The following ARHGEF4 variants were observed in gnomAD, a reference collection of about 807,000 sequenced individuals.
ARHGEF4 encodes APC-stimulated guanine nucleotide exchange factor 1.
In ARHGEF4, 119 loss-of-function variants were observed where a neutral mutation model predicts 162.0. That is an observed-to-expected ratio of 0.73 (90% confidence interval 0.63 to 0.86). The LOEUF is 0.86. ARHGEF4 is among the 40% of genes least tolerant of loss of function. The pLI, the probability that ARHGEF4 is intolerant of heterozygous loss-of-function variation, is 0.00. For missense variants in ARHGEF4, 2,488 were observed against 2,456.0 expected, an observed-to-expected ratio of 1.01 and a Z score of -0.28; for synonymous variants, 1,014 against 979.9, an observed-to-expected ratio of 1.03 and a Z score of -0.65.
At chr2:130,867,492 T>C (rs1160659342) in intron 1 of ARHGEF4, among the ~76,000 whole-genome samples, 1 of 152,082 alleles carries the variant, frequency 6.6e-6, no homozygotes, top group African/African-American at 2.4e-5. Context: ...CGCCTTAGCC[T>C]CCCAAAGTGC....
chr2:131,042,008 G>GC (rs1690854231), intron 10 of ARHGEF4, 64 bp downstream of exon 10: 1 of 1,558,912 alleles, frequency 6.4e-7, no homozygotes, highest in East Asian at 2.3e-5. Context: ...AATCATGCTT[G>GC]CCCCTGAAAA....
intron 1 of ARHGEF4, among the ~76,000 whole-genome samples, chr2:130,838,002 G>A (rs1351224406): frequency 1.3e-5 from 2 of 152,262 alleles, no homozygotes; most frequent in African/African-American, 4.8e-5. Context: ...ACCTGCAGGA[G>A]CCCTGCCCTC....
At chr2:130,908,291 A>T (rs868808053) in intron 1 of ARHGEF4, among the ~76,000 whole-genome samples, 5 of 152,210 alleles carry the variant, frequency 3.3e-5, no homozygotes, top group Non-Finnish European at 7.4e-5. Context: ...TGGTTTTTCT[A>T]CATTGATTTT....
intron 4 of ARHGEF4, among the ~76,000 whole-genome samples, chr2:130,977,480 T>C (rs1685822045): frequency 6.6e-6 from 1 of 151,806 alleles, no homozygotes; most frequent in Non-Finnish European, 1.5e-5. Context: ...TGTGTGTGCT[T>C]TGTGTGTATA....
At position 130,917,493 on chromosome 2, in the gene ARHGEF4, A is replaced by G. The variant is rs1278601676; in HGVS notation, c.3547A>G (p.Ser1183Gly). The change falls in exon 2 of 14, where the codon AGT (serine) becomes GGT (glycine). Residue 1183 changes from serine to glycine, a missense_variant. By Grantham distance (56) the Ser-to-Gly change is moderately conservative. Around this residue, in one of 6 missense-constraint regions of ARHGEF4, gnomAD observed 1,642 missense variants for 1,481.5 expected, o/e 1.11. Transcript: ENST00000409359. The part of the protein sequence containing the change: ...TVPWLRDLPG[S>G]ENHMPWEEPA... The stretch of plus-strand genomic sequence containing the variant: ...GCCCTGGCTCAGGGACCTTCCTGGG[A>G]GTGAGGTGAGTATCTGAATCGCACC... 1 of 1,548,286 alleles carries G rather than the reference A, an allele frequency of 6.5e-7. No individual in the cohort carries two copies. The highest frequency in any genetic ancestry group is 1.4e-5 in the African/African-American group (1 of 72,904).
chr2:130,887,726 T>C (rs924290761), intron 1 of ARHGEF4, among the ~76,000 whole-genome samples: 1 of 152,138 alleles, frequency 6.6e-6, no homozygotes, highest in Admixed American at 6.5e-5. Context: ...TAATCAGCAG[T>C]AGCTTTCCTC....
chr2:130,916,340 C>A lies in ARHGEF4; in HGVS notation c.2394C>A (p.Thr798=), dbSNP rs1181638246. ...PGKRPTFSKV[T]SFRKGRPLAT... is the part of the protein sequence containing the mutation. Reference sequence around the variant, plus strand: ...AGCGCCCGACGTTTTCCAAGGTGACCTCCTTCAGGAAGGGCAGGCCCTTGG... The same window carrying A: ...AGCGCCCGACGTTTTCCAAGGTGACATCCTTCAGGAAGGGCAGGCCCTTGG... Residue 798 remains threonine, a synonymous_variant, in exon 2 of 14, where the codon ACC becomes ACA. Transcript: ENST00000409359. 6.5e-6 allele frequency: 10 copies of A among 1,543,054 alleles called. No individual in the cohort carries two copies. The highest frequency in any genetic ancestry group is 8.7e-6 in the Non-Finnish European group (10 of 1,145,338).
In ARHGEF4 at chr2:131,038,914, A is replaced by C. The variant is rs752789318; in HGVS notation, c.4187A>C (p.Asp1396Ala). 1 of 1,613,638 alleles carries C rather than the reference A, an allele frequency of 6.2e-7. No homozygotes were observed. The highest frequency in any genetic ancestry group is 1.7e-5 in the Admixed American group (1 of 60,016). ...CTCTGGGACCATGTCACCATGGACG[A>C]CCAGGAGCTGGGCTTCAAAGCTGGG... ...EALWDHVTMD[D>A]QELGFKAGDV... The change falls in exon 6 of 14, where the codon GAC becomes GCC. Residue 1396 changes from aspartate (D) to alanine (A), a missense_variant. This residue lies in a region of ARHGEF4 where 174 missense variants were observed against 148.3 expected (regional missense o/e 1.17). Transcript: ENST00000409359.
chr2:130,966,683 G>A (rs1685026338), intron 4 of ARHGEF4, among the ~76,000 whole-genome samples: 1 of 152,202 alleles, frequency 6.6e-6, no homozygotes, highest in Non-Finnish European at 1.5e-5. Flanking sequence ...GTCCGGTGGT[G>A]CGTTGGAATA....
intron 4 of ARHGEF4, among the ~76,000 whole-genome samples, chr2:130,988,901 T>TATATATATAG (rs1469212068): frequency 2.5e-4 from 28 of 113,376 alleles, no homozygotes; most frequent in Non-Finnish European, 4.4e-4. Flanking sequence ...TATATATATA[T>TATATATATAG]AGAGAGAGAG....
intron 4 of ARHGEF4, 147 bp downstream of exon 4, chr2:130,946,782 T>G: frequency 8.9e-7 from 1 of 1,128,324 alleles, no homozygotes; most frequent in Non-Finnish European, 1.2e-6. Flanking sequence ...TTCCTTCAGT[T>G]AGGGAGGAGT....
chr2:131,045,802 G>A, intron 13 of ARHGEF4: 1 of 1,428,164 alleles, frequency 7.0e-7, no homozygotes, highest in Non-Finnish European at 9.1e-7. Context: ...ACATGCCTTT[G>A]CACAGGCCAC....
At chr2:131,009,889 A>C (rs1300876812) in intron 4 of ARHGEF4, among the ~76,000 whole-genome samples, 6 of 152,166 alleles carry the variant, frequency 3.9e-5, no homozygotes, top group African/African-American at 1.4e-4. Flanking sequence ...TGTCTAGTAA[A>C]TTTCGATTGT....
At chr2:130,881,159 G>A (rs968307390) in intron 1 of ARHGEF4, among the ~76,000 whole-genome samples, 2 of 152,050 alleles carry the variant, frequency 1.3e-5, no homozygotes, top group African/African-American at 4.8e-5. Flanking sequence ...CTGCCGCCCA[G>A]TAGCTGGGAC....
intron 4 of ARHGEF4, among the ~76,000 whole-genome samples, chr2:130,963,177 C>T (rs539736493): frequency 3.3e-5 from 5 of 152,332 alleles, no homozygotes; most frequent in African/African-American, 1.2e-4. Context: ...TGAACTCTTC[C>T]ACACGCTTTC....
At chr2:130,979,973 A>G (rs1383545659) in intron 4 of ARHGEF4, among the ~76,000 whole-genome samples, 6 of 152,194 alleles carry the variant, frequency 3.9e-5, no homozygotes, top group Admixed American at 2.0e-4. Flanking sequence ...AATTAAAACA[A>G]TGTAATTGGT....
At chr2:130,909,192 A>G (rs1193117600) in intron 1 of ARHGEF4, among the ~76,000 whole-genome samples, 1 of 152,230 alleles carries the variant, frequency 6.6e-6, no homozygotes, top group Non-Finnish European at 1.5e-5. Flanking sequence ...AAATGAAAGC[A>G]CATGTCCATA....
At chr2:130,988,901 T>TATATATATATAGAGAG (rs1469212068) in intron 4 of ARHGEF4, among the ~76,000 whole-genome samples, 6 of 113,378 alleles carry the variant, frequency 5.3e-5, no homozygotes, top group East Asian at 5.7e-4. Context: ...TATATATATA[T>TATATATATATAGAGAG]AGAGAGAGAG....
chr2:130,892,605 G>T (rs1252134789), intron 1 of ARHGEF4, among the ~76,000 whole-genome samples: 1 of 152,204 alleles, frequency 6.6e-6, no homozygotes, highest in Non-Finnish European at 1.5e-5. Context: ...TAGTTCATTT[G>T]CTTAAGACCC....
Sources: gnomAD v4.1 joint callset for allele counts (sites outside exome capture counted in the v4.1 genomes callset) on GRCh38, gnomAD v4.1.1 for gene constraint, gnomAD v4.1.1 regional missense constraint, MANE v1.5 for transcripts, NCBI Gene and HGNC (gene_info 2026-07-23, HGNC 2026-07-21) for gene names.